Variants in OSBPL6 observed in about 807,000 individuals in gnomAD.
OSBPL6 encodes oxysterol-binding protein-related protein 6.
In OSBPL6, 49 loss-of-function variants were observed where a neutral mutation model predicts 125.8. That is an observed-to-expected ratio of 0.39 (90% CI 0.31 to 0.49). The LOEUF is 0.49. Among genes scored for constraint, OSBPL6 ranks in the 20% least tolerant of loss-of-function variants. The pLI, the probability that OSBPL6 is intolerant of heterozygous loss-of-function variation, is 0.88. For synonymous variants in OSBPL6, 394 were observed against 391.8 expected (o/e 1.01, Z -0.07); for missense variants, 986 against 1,135.4 (o/e 0.87, Z 1.89).
At chr2:178,269,276 A>G (rs2092319842) in intron 1 of OSBPL6, among the ~76,000 whole-genome samples, 2 of 152,300 alleles carry the variant, frequency 1.3e-5, no homozygotes, top group African/African-American at 4.8e-5. Context: ...GTGTTTGCCA[A>G]CCTGGAAGGT....
At chr2:178,394,173 TG>T in intron 23 of OSBPL6, 139 bp from the exon 24 acceptor site, 1 of 1,062,162 alleles carries the variant, frequency 9.4e-7, no homozygotes, top group South Asian at 1.4e-5. Context: ...CACTCCAGCC[TG>T]GCGACAGAGC....
chr2:178,242,675 A>T (rs1271188476), intron 1 of OSBPL6, among the ~76,000 whole-genome samples: 2 of 152,230 alleles, frequency 1.3e-5, no homozygotes, highest in African/African-American at 4.8e-5. Flanking sequence ...TATAACCTGC[A>T]GCTGAATCAA....
intron 12 of OSBPL6, among the ~76,000 whole-genome samples, chr2:178,351,002 A>T (rs1174444262): frequency 6.6e-6 from 1 of 152,204 alleles, no homozygotes; most frequent in East Asian, 1.9e-4. Context: ...TAATCATGTC[A>T]TTTGCAGCAA....
intron 1 of OSBPL6, among the ~76,000 whole-genome samples, chr2:178,267,308 C>A (rs1383253237): frequency 7.3e-6 from 1 of 137,730 alleles, no homozygotes; most frequent in Non-Finnish European, 1.5e-5. Context: ...GAGCTGAGAT[C>A]TTGCCACTGC....
At chr2:178,380,773 C>A (rs962166324) in intron 15 of OSBPL6, among the ~76,000 whole-genome samples, 2 of 152,150 alleles carry the variant, frequency 1.3e-5, no homozygotes, top group African/African-American at 4.8e-5. Context: ...CACCTATATG[C>A]TGGTTAAATT....
At chr2:178,288,690 C>A (rs1173784019) in intron 2 of OSBPL6, among the ~76,000 whole-genome samples, 1 of 150,660 alleles carries the variant, frequency 6.6e-6, no homozygotes, top group Non-Finnish European at 1.5e-5. Context: ...CTCTTGTTGC[C>A]TAGGCTGGAA....
At chr2:178,350,155 T>C (rs1691120999) in intron 12 of OSBPL6, among the ~76,000 whole-genome samples, 1 of 152,204 alleles carries the variant, frequency 6.6e-6, no homozygotes, top group Non-Finnish European at 1.5e-5. Context: ...AAATTTTCAG[T>C]GAGGCTTGTT....
intron 1 of OSBPL6, among the ~76,000 whole-genome samples, chr2:178,224,713 T>C (rs2090478152): frequency 6.6e-6 from 1 of 152,118 alleles, no homozygotes; most frequent in Non-Finnish European, 1.5e-5. Context: ...ACTGGGAGGA[T>C]TGCTTGAGTC....
chr2:178,213,131 C>T (rs1286920705), intron 1 of OSBPL6, among the ~76,000 whole-genome samples: 1 of 152,102 alleles, frequency 6.6e-6, no homozygotes, highest in Non-Finnish European at 1.5e-5. Context: ...TTGATTGCTC[C>T]TCTTTAGATA....
chr2:178,338,425 A>G (rs958925850), intron 9 of OSBPL6, among the ~76,000 whole-genome samples: 2 of 152,196 alleles, frequency 1.3e-5, no homozygotes, highest in African/African-American at 4.8e-5. Flanking sequence ...GGTGATGATG[A>G]TATTGCTGGA....
chr2:178,287,979 G>A (rs1684872142), intron 2 of OSBPL6, among the ~76,000 whole-genome samples: 2 of 148,690 alleles, frequency 1.3e-5, no homozygotes, highest in Non-Finnish European at 3.0e-5. Flanking sequence ...TTTTTTTTAA[G>A]TAAAACTAAC....
intron 1 of OSBPL6, among the ~76,000 whole-genome samples, chr2:178,209,175 T>TG (rs1439733780): frequency 1.3e-5 from 2 of 152,170 alleles, no homozygotes; most frequent in African/African-American, 2.4e-5. Context: ...GTTTTATTGA[T>TG]GCTTTCTTCC....
intron 2 of OSBPL6, among the ~76,000 whole-genome samples, chr2:178,288,331 G>A (rs1255212933): frequency 3.9e-5 from 6 of 152,214 alleles, no homozygotes; most frequent in South Asian, 2.1e-4. Context: ...CCAAAACTTC[G>A]TTCTTGCCTG....
At chr2:178,193,778 T>C (rs72964057), upstream of OSBPL6, among the ~76,000 whole-genome samples, 362 of 151,442 alleles carry the variant, frequency 2.4e-3, no homozygotes, top group Non-Finnish European at 4.3e-3. Context: ...GGTTTAAGGG[T>C]GTGGAAGGGT....
intron 5 of OSBPL6, among the ~76,000 whole-genome samples, chr2:178,328,860 C>G (rs547510863): frequency 6.6e-6 from 1 of 152,140 alleles, no homozygotes; most frequent in South Asian, 2.1e-4. Context: ...AGACTGAGAT[C>G]TGTAATATAC....
chr2:178,385,094 G>A (rs1221978499), intron 18 of OSBPL6, among the ~76,000 whole-genome samples: 2 of 152,192 alleles, frequency 1.3e-5, no homozygotes, highest in East Asian at 1.9e-4. Flanking sequence ...GGGGGGTGGC[G>A]AGCAAGAGGA....
At chr2:178,194,897 G>C (rs1283993274) in intron 1 of OSBPL6, among the ~76,000 whole-genome samples, 1 of 152,056 alleles carries the variant, frequency 6.6e-6, no homozygotes, top group Non-Finnish European at 1.5e-5. Flanking sequence ...GCCCATTCTC[G>C]CGGCCGGGAT....
chr2:178,343,719 T>G (rs1690435057), intron 11 of OSBPL6, among the ~76,000 whole-genome samples: 1 of 152,172 alleles, frequency 6.6e-6, no homozygotes, highest in African/African-American at 2.4e-5. Context: ...GCACTCTTAC[T>G]GATGTTGAGT....
chr2:178,322,405 T>C (rs1688322089), intron 3 of OSBPL6, among the ~76,000 whole-genome samples: 1 of 152,164 alleles, frequency 6.6e-6, no homozygotes, highest in Non-Finnish European at 1.5e-5. Flanking sequence ...AAGGTTAATA[T>C]GTGGGCTTAC....
Sources: allele counts gnomAD v4.1 joint callset (sites outside exome capture counted in the v4.1 genomes callset), GRCh38; gene constraint gnomAD v4.1.1; transcripts MANE v1.5; gene names NCBI Gene and HGNC (gene_info 2026-07-23, HGNC 2026-07-21).